The following PXDC1 variants were observed in gnomAD, a reference collection of about 807,000 sequenced individuals.
The protein encoded by PXDC1 is PX domain-containing protein 1.
In PXDC1, 13 loss-of-function variants were observed where a neutral mutation model predicts 24.4. That is an observed-to-expected ratio of 0.53 (90% CI 0.35 to 0.85). PXDC1 has a LOEUF of 0.85. Ranked by LOEUF, PXDC1 falls within the 40% of genes least tolerant of loss-of-function variation. The pLI is 0.01. For missense variants in PXDC1, 344 were observed against 309.3 expected, an observed-to-expected ratio of 1.11 and a Z score of -0.84; for synonymous variants, 162 against 124.9, an observed-to-expected ratio of 1.30 and a Z score of -1.98.
chr6:3,722,913 G>C lies in PXDC1; in HGVS notation c.*706C>G, dbSNP rs1374105233. The C allele has an allele frequency of 1.3e-5, 2 of 151,440 alleles. No individual in the cohort carries two copies. Among genetic ancestry groups the C allele is most frequent in the African/African-American group, 2.4e-5 (1 of 41,196 alleles). 9.4% of individuals were successfully genotyped at this position (151,440 alleles called of 1,614,324 possible). A position where few individuals can be genotyped will look rare whatever the true frequency, so the allele number is the denominator to read the frequency against. On this transcript the variant is annotated 3_prime_UTR_variant, in exon 5 of 5. Transcript: ENST00000380283. The stretch of plus-strand genomic sequence containing the variant: ...GCCCAGAGACCTGGCAGGCCGGGAA[G>C]AAATTCCTTTCCTTTGGGAAGAACC...
At chr6:3,750,854 T>C (rs950758976) in intron 1 of PXDC1, among the ~76,000 whole-genome samples, 2 of 152,100 alleles carry the variant, frequency 1.3e-5, no homozygotes, top group Admixed American at 1.3e-4. Flanking sequence ...GCTCGGACCC[T>C]GCAGTTAACT....
intron 3 of PXDC1, among the ~76,000 whole-genome samples, chr6:3,731,198 A>G (rs1760187321): frequency 6.6e-6 from 1 of 152,218 alleles, no homozygotes; most frequent in Non-Finnish European, 1.5e-5. Context: ...CCCTAAACCT[A>G]AATAATCAGA....
chr6:3,725,974 A>C lies in PXDC1; in HGVS notation c.578+1577T>G, dbSNP rs1760056146. Reference sequence around the variant, plus strand: ...TATTCAAGACCTGTCACTCCTGTGCACATGCAGTCAGTCCCGGGCAGCTGC... The same window carrying C: ...TATTCAAGACCTGTCACTCCTGTGCCCATGCAGTCAGTCCCGGGCAGCTGC... On this transcript the variant is annotated intron_variant, in intron 4 of 4. Coordinates refer to ENST00000380283, the MANE Select transcript of PXDC1 (RefSeq NM_183373.4). This position sits in a 1 kb window ranked among gnomAD's most constrained non-coding sequence, Gnocchi z 4.8. Among the ~76,000 whole-genome samples, 1 of 120,212 alleles carries C rather than the reference A, an allele frequency of 8.3e-6. No individual in the cohort carries two copies. The allele number at this position is 120,212 out of a possible 152,430, so 78.9% of individuals were successfully genotyped here.
rs1360689067 is a variant in PXDC1, at chr6:3,725,347, C to T, written c.579-1611G>A. 6.6e-6 allele frequency among the ~76,000 whole-genome samples: 1 copy of T among 152,194 alleles called. No individual in the cohort carries two copies. Among genetic ancestry groups the T allele is most frequent in the East Asian group, 1.9e-4 (1 of 5,190 alleles). On this transcript the variant is annotated intron_variant, in intron 4 of 4. Transcript: ENST00000380283. The surrounding 1 kb of genome is among the most constrained non-coding windows in gnomAD (Gnocchi z 4.8). ...GCTCCCTGAGGTCCCCACAGAACCG[C>T]CCAGTGCCTCGGCCCTGGATGACCT...
rs545737731 is a variant in PXDC1 at position 3,723,482 on chromosome 6, C to G, written c.*137G>C. ...TGCTCCACTTGCAGGACACCCAGGC[C>G]TCCTGGCGTCAGTGGGGCCTGGGAC... is the stretch of plus-strand genomic sequence containing the variant. On this transcript the variant is annotated 3_prime_UTR_variant, in exon 5 of 5. Coordinates refer to ENST00000380283, the MANE Select transcript of PXDC1 (RefSeq NM_183373.4). The G allele has an allele frequency of 4.2e-5, 30 of 717,502 alleles. No individual in the cohort carries two copies. Among genetic ancestry groups the G allele is most frequent in the Admixed American group, 2.6e-4 (12 of 45,418 alleles). The allele number at this position is 717,502 out of a possible 1,614,324, so 44.4% of individuals were successfully genotyped here.
intron 1 of PXDC1, among the ~76,000 whole-genome samples, chr6:3,742,253 C>A (rs1362931202): frequency 6.6e-6 from 1 of 152,212 alleles, no homozygotes; most frequent in East Asian, 1.9e-4. Flanking sequence ...GACTCAAGTG[C>A]TTTGGCTTCC....
Position 3,751,565 on chromosome 6 carries a change from C to A in PXDC1, c.-34G>T. ...CATGCCCCCGCCAAGGGCTCCCCAG[C>A]CCCGCCGCCCGCCCGCCCGCAGGAG... On this transcript the variant is annotated 5_prime_UTR_variant, in exon 1 of 5. Coordinates refer to ENST00000380283, the MANE Select transcript of PXDC1 (RefSeq NM_183373.4). The A allele has an allele frequency of 6.7e-7, 1 of 1,484,194 alleles. No individual in the cohort carries two copies. 91.9% of individuals were successfully genotyped at this position (1,484,194 alleles called of 1,614,324 possible).
At chr6:3,749,774 C>G (rs1360594322) in intron 1 of PXDC1, among the ~76,000 whole-genome samples, 1 of 152,126 alleles carries the variant, frequency 6.6e-6, no homozygotes, top group Non-Finnish European at 1.5e-5. Context: ...TGGGGAGCCC[C>G]ACGGGGATCC....
chr6:3,729,343 C>T (rs575986103), intron 3 of PXDC1, among the ~76,000 whole-genome samples: 4 of 152,254 alleles, frequency 2.6e-5, no homozygotes, highest in African/African-American at 7.2e-5. Flanking sequence ...TTCCTCCTCG[C>T]CCCCCATAGG....
At chr6:3,738,655 A>C in intron 1 of PXDC1, 1 of 507,332 alleles carries the variant, frequency 2.0e-6, no homozygotes, top group Non-Finnish European at 3.1e-6. Context: ...TTCACAAGGA[A>C]AAAAGTCAGA....
At chr6:3,727,169 C>T (rs1285104744) in intron 4 of PXDC1, among the ~76,000 whole-genome samples, 1 of 152,258 alleles carries the variant, frequency 6.6e-6, no homozygotes, top group African/African-American at 2.4e-5. Flanking sequence ...CATCCTACAC[C>T]TTCAGCACAG....
intron 3 of PXDC1, among the ~76,000 whole-genome samples, chr6:3,732,700 C>T (rs565152233): frequency 1.3e-5 from 2 of 152,320 alleles, no homozygotes; most frequent in East Asian, 3.9e-4. Flanking sequence ...TGGAAACAGT[C>T]GCCGCGCCTG....
At chr6:3,743,263 C>G (rs772330435) in intron 1 of PXDC1, among the ~76,000 whole-genome samples, 8 of 152,174 alleles carry the variant, frequency 5.3e-5, no homozygotes, top group Non-Finnish European at 1.0e-4. Context: ...GTCCACTACC[C>G]AAAGAACAGG....
At chr6:3,733,408 T>C (rs1163732125) in intron 3 of PXDC1, among the ~76,000 whole-genome samples, 2 of 152,174 alleles carry the variant, frequency 1.3e-5, no homozygotes, top group African/African-American at 4.8e-5. Context: ...TAAAAAACAC[T>C]CCTGAAGGGA....
At chr6:3,738,005 G>T in intron 2 of PXDC1, 52 bp downstream of exon 2, 1 of 1,450,608 alleles carries the variant, frequency 6.9e-7, no homozygotes, top group Non-Finnish European at 9.6e-7. Flanking sequence ...GCATTTGGGA[G>T]GTGCCAGCAC....
chr6:3,736,403 C>T (rs561910336), intron 3 of PXDC1, among the ~76,000 whole-genome samples: 8 of 152,198 alleles, frequency 5.3e-5, no homozygotes, highest in Non-Finnish European at 1.2e-4. Flanking sequence ...AGATCGCACA[C>T]AACTGTCACC....
Position 3,728,810 on chromosome 6 carries a change from C to A in PXDC1, c.467-1148G>T, listed in dbSNP as rs1760130559. ...TTCTGAGGGACCGCGTTTCCGTCCCCTCGCTCAGCAGATGAGATCTGGTAG... is the reference window on the plus strand; with the variant it reads ...TTCTGAGGGACCGCGTTTCCGTCCCATCGCTCAGCAGATGAGATCTGGTAG... On this transcript the variant is annotated intron_variant, in intron 3 of 4. Coordinates refer to ENST00000380283, the MANE Select transcript of PXDC1 (RefSeq NM_183373.4). The surrounding 1 kb of genome is among the most constrained non-coding windows in gnomAD (Gnocchi z 4.0). 1.3e-5 allele frequency among the ~76,000 whole-genome samples: 2 copies of A among 152,178 alleles called. No homozygotes were observed. Among genetic ancestry groups the A allele is most frequent in the Admixed American group, 1.3e-4 (2 of 15,278 alleles).
rs755894269 is a variant in PXDC1 at position 3,751,426 on chromosome 6, C to T, written c.106G>A (p.Glu36Lys). 16 of 1,586,646 alleles carry T rather than the reference C, an allele frequency of 1.0e-5. No individual in the cohort carries two copies. The highest frequency in any genetic ancestry group is 2.3e-5 in the East Asian group (1 of 43,448). ...RLIVSRRGDE[E>K]EFFEIRTEWS... ...TCCGTGCGGATCTCGAAGAACTCCTCTTCGTCGCCGCGCCGGCTGACGATG... is the reference window on the plus strand; with the variant it reads ...TCCGTGCGGATCTCGAAGAACTCCTTTTCGTCGCCGCGCCGGCTGACGATG... Residue 36 changes from glutamate to lysine, a missense_variant, in exon 1 of 5, where the codon GAG becomes AAG. Glu to Lys is a moderately conservative substitution (Grantham distance 56). Coordinates refer to ENST00000380283, the MANE Select transcript of PXDC1 (RefSeq NM_183373.4).
intron 3 of PXDC1, among the ~76,000 whole-genome samples, chr6:3,733,719 C>T (rs1362576447): frequency 6.6e-6 from 1 of 152,322 alleles, no homozygotes; most frequent in South Asian, 2.1e-4. Context: ...CTGTTAGCCA[C>T]TGGCTGGTGC....
Sources: gnomAD v4.1 joint callset for allele counts (sites outside exome capture counted in the v4.1 genomes callset) on GRCh38, gnomAD v4.1.1 for gene constraint, Gnocchi (gnomAD v3.1) non-coding constraint, MANE v1.5 for transcripts, NCBI Gene and HGNC (gene_info 2026-07-23, HGNC 2026-07-21) for gene names.